Variants in TAFA5 observed in about 807,000 individuals in gnomAD.
The protein encoded by TAFA5 is TAFA chemokine like family member 5, also known as chemokine-like protein TAFA-5.
Under a neutral mutation model 15.3 loss-of-function variants are expected in TAFA5, and 6 were observed. The ratio of observed to expected loss-of-function variants is 0.39; its 90% CI spans 0.21 to 0.77. TAFA5 has a LOEUF of 0.77. TAFA5 is among the 30% of genes least tolerant of loss of function. The pLI is 0.41. For synonymous variants in TAFA5, 103 were observed against 80.7 expected (o/e 1.28, Z -1.48); for missense variants, 161 against 193.1 (o/e 0.83, Z 0.98).
At chr22:48,658,716 T>C (rs889206857) in intron 2 of TAFA5, among the ~76,000 whole-genome samples, 4 of 152,220 alleles carry the variant, frequency 2.6e-5, no homozygotes, top group African/African-American at 9.6e-5. Context: ...TCTTCAGTGC[T>C]GCAGAGAACG....
chr22:48,724,563 G>A (rs922551270), intron 3 of TAFA5, among the ~76,000 whole-genome samples: 3 of 152,212 alleles, frequency 2.0e-5, no homozygotes, highest in Non-Finnish European at 4.4e-5. Context: ...TTTTACATAT[G>A]CTTTGGAAAT....
At chr22:48,544,697 C>T (rs939142631) in intron 1 of TAFA5, 2 of 471,184 alleles carry the variant, frequency 4.2e-6, no homozygotes, top group South Asian at 1.5e-5. Flanking sequence ...TCCCTGCGTG[C>T]CCGCAGATGA....
intron 1 of TAFA5, 55 bp from the exon 2 acceptor site, chr22:48,646,542 G>T: frequency 6.3e-7 from 1 of 1,589,216 alleles, no homozygotes; most frequent in South Asian, 1.1e-5. Context: ...GTGGGCTCTG[G>T]CTGTGGGGTG....
intron 1 of TAFA5, among the ~76,000 whole-genome samples, chr22:48,509,529 G>A: frequency 6.6e-6 from 1 of 152,144 alleles, no homozygotes; most frequent in Non-Finnish European, 1.5e-5. Context: ...GGGTGAGTTG[G>A]TATCTCATTG....
intron 2 of TAFA5, among the ~76,000 whole-genome samples, chr22:48,699,738 G>A (rs539823902): frequency 2.6e-5 from 4 of 152,250 alleles, no homozygotes; most frequent in African/African-American, 4.8e-5. Context: ...GTGAGTAAGC[G>A]GAGCTTTAAA....
intron 3 of TAFA5, among the ~76,000 whole-genome samples, chr22:48,737,718 A>G (rs13056336): frequency 0.32 from 48,959 of 152,090 alleles, 10,024 homozygotes; most frequent in African/African-American, 0.57. Context: ...TCAGGGATGG[A>G]GATGCCAGCC....
chr22:48,500,496 A>C (rs773418941), intron 1 of TAFA5, among the ~76,000 whole-genome samples: 6 of 152,226 alleles, frequency 3.9e-5, no homozygotes, highest in Non-Finnish European at 8.8e-5. Flanking sequence ...CCCTGAGCAC[A>C]CAGTGCGTGC....
rs571292274 is a variant in TAFA5 at position 48,668,737 on chromosome 22, G to A, written c.262+21991G>A. Among the ~76,000 whole-genome samples, 141 of 152,146 alleles carry A rather than the reference G, an allele frequency of 9.3e-4. 2 individuals carry two copies. The highest frequency in any genetic ancestry group is 7.3e-3 in the Admixed American group (112 of 15,290). On this transcript the variant is annotated intron_variant, in intron 2 of 3. Transcript: ENST00000402357. ...GGAAACTGTAGTCCCCCAGCACTCG[G>A]GGCCGCGTCTTCACTGGGAGCTGTA...
intron 2 of TAFA5, among the ~76,000 whole-genome samples, chr22:48,674,864 C>A (rs1314974409): frequency 1.3e-5 from 2 of 152,056 alleles, no homozygotes; most frequent in Admixed American, 1.3e-4. Context: ...GCTGTGGCTG[C>A]TTTGTGTCAC....
intron 2 of TAFA5, among the ~76,000 whole-genome samples, chr22:48,648,359 G>T (rs567509957): frequency 6.6e-6 from 1 of 152,218 alleles, no homozygotes; most frequent in African/African-American, 2.4e-5. Context: ...GGATCCCACC[G>T]CCTCTGCCCA....
At chr22:48,516,179 A>G (rs757251585) in intron 1 of TAFA5, among the ~76,000 whole-genome samples, 1 of 152,066 alleles carries the variant, frequency 6.6e-6, no homozygotes, top group Admixed American at 6.5e-5. Flanking sequence ...ATTAAACCAG[A>G]TGGCGGCGAA....
At chr22:48,558,871 G>C (rs546543893) in intron 1 of TAFA5, among the ~76,000 whole-genome samples, 1 of 152,360 alleles carries the variant, frequency 6.6e-6, no homozygotes, top group African/African-American at 2.4e-5. Context: ...GGCTTCACTT[G>C]CCTCCGCCAG....
chr22:48,649,619 C>T (rs1461064145), intron 2 of TAFA5, among the ~76,000 whole-genome samples: 3 of 152,106 alleles, frequency 2.0e-5, no homozygotes, highest in Non-Finnish European at 4.4e-5. Context: ...GATCCTGGGG[C>T]GAGCTGGGGC....
intron 1 of TAFA5, among the ~76,000 whole-genome samples, chr22:48,622,484 G>A (rs1427249288): frequency 6.6e-6 from 1 of 152,234 alleles, no homozygotes; most frequent in East Asian, 1.9e-4. Flanking sequence ...GATTTCTGGA[G>A]TGAAGGAGTG....
At chr22:48,526,304 A>G (rs1327973452) in intron 1 of TAFA5, among the ~76,000 whole-genome samples, 1 of 152,218 alleles carries the variant, frequency 6.6e-6, no homozygotes, top group Non-Finnish European at 1.5e-5. Flanking sequence ...CACCCTGGCC[A>G]GGAGCCGAGG....
intron 1 of TAFA5, among the ~76,000 whole-genome samples, chr22:48,518,377 G>C (rs367915342): frequency 6.6e-6 from 1 of 152,196 alleles, no homozygotes; most frequent in African/African-American, 2.4e-5. Flanking sequence ...CCTGGACAAA[G>C]AGGTGCCCGT....
At chr22:48,673,994 T>A (rs116167802) in intron 2 of TAFA5, among the ~76,000 whole-genome samples, 4,673 of 151,904 alleles carry the variant, frequency 0.031, 246 homozygotes, top group African/African-American at 0.11. Context: ...CCACCTCACA[T>A]CTGGACTTTT....
chr22:48,582,141 T>A (rs1374432368), intron 1 of TAFA5, among the ~76,000 whole-genome samples: 1 of 152,058 alleles, frequency 6.6e-6, no homozygotes, highest in Non-Finnish European at 1.5e-5. Context: ...GCTCTGTGTG[T>A]GAGCCCACCT....
chr22:48,617,915 C>T (rs571222067), intron 1 of TAFA5, among the ~76,000 whole-genome samples: 1 of 152,280 alleles, frequency 6.6e-6, no homozygotes, highest in East Asian at 1.9e-4. Flanking sequence ...CTGTTCTGAG[C>T]ACTCTGTTCA....
Sources: allele counts gnomAD v4.1 joint callset (sites outside exome capture counted in the v4.1 genomes callset), GRCh38; gene constraint gnomAD v4.1.1; transcripts MANE v1.5; gene names NCBI Gene and HGNC (gene_info 2026-07-23, HGNC 2026-07-21).